The following NTAQ1 variants were observed in gnomAD, a reference collection of about 807,000 sequenced individuals.
NTAQ1 encodes the protein N-terminal glutamine amidase 1.
Under a neutral mutation model 28.2 loss-of-function variants are expected in NTAQ1, and 21 were observed. The observed-to-expected ratio is 0.74, with a 90% CI of 0.53 to 1.07. The LOEUF is 1.07. Ranked by LOEUF, NTAQ1 falls within the 50% of genes least tolerant of loss-of-function variation. NTAQ1 has a pLI of 0.00. For synonymous variants in NTAQ1, 105 were observed against 90.0 expected (o/e 1.17, Z -0.94); for missense variants, 264 against 256.6 (o/e 1.03, Z -0.20).
At chr8:123,471,426 G>A (rs905215068), downstream of NTAQ1, among the ~76,000 whole-genome samples, 23 of 152,274 alleles carry the variant, frequency 1.5e-4, no homozygotes, top group African/African-American at 5.1e-4. Context: ...GGATGGTTCC[G>A]TCTCTATAGA....
At chr8:123,421,478 A>T (rs1245537327) in intron 1 of NTAQ1, among the ~76,000 whole-genome samples, 1 of 148,666 alleles carries the variant, frequency 6.7e-6, no homozygotes, top group Non-Finnish European at 1.5e-5. Flanking sequence ...GCATTTCTTC[A>T]TATGCTTATT....
At position 123,416,927 on chromosome 8, in the gene NTAQ1, C is replaced by T; in HGVS notation, c.78C>T (p.Cys26=). The stretch of plus-strand genomic sequence containing the variant: ...GGGACGCCTGCGTCTACAGCAGCTG[C>T]TACTGGTGAGGGGGCGCGGGCGCAG... ...PPRDACVYSS[C]YCEENIWKLC... The change falls in exon 1 of 6, where the codon TGC becomes TGT. Residue 26 remains cysteine (C), a synonymous_variant. Coordinates refer to ENST00000287387, the MANE Select transcript of NTAQ1 (RefSeq NM_018024.3). 2 of 1,503,788 alleles carry T rather than the reference C, an allele frequency of 1.3e-6. No individual in the cohort carries two copies. Among genetic ancestry groups the T allele is most frequent in the Non-Finnish European group, 1.8e-6 (2 of 1,125,792 alleles). 93.2% of individuals were successfully genotyped at this position (1,503,788 alleles called of 1,614,324 possible). A position where few individuals can be genotyped will look rare whatever the true frequency, so the allele number is the denominator to read the frequency against.
downstream of NTAQ1, among the ~76,000 whole-genome samples, chr8:123,448,622 A>T (rs188601485): frequency 5.5e-4 from 84 of 152,294 alleles, no homozygotes; most frequent in African/African-American, 2.0e-3. Context: ...TCCGTCGAAA[A>T]AGAATAAGAA....
chr8:123,437,077 C>T (rs1450699213), intron 4 of NTAQ1, 133 bp from the exon 5 acceptor site: 1 of 1,183,182 alleles, frequency 8.5e-7, no homozygotes, highest in African/African-American at 1.5e-5. Context: ...AGTAAAGTTG[C>T]CTGTATTACT....
intron 1 of NTAQ1, among the ~76,000 whole-genome samples, chr8:123,423,487 G>T (rs918554670): frequency 1.3e-4 from 19 of 145,006 alleles, no homozygotes; most frequent in African/African-American, 4.7e-4. Context: ...CATTGCCTAG[G>T]CTGGTTTCAA....
chr8:123,456,530 A>G (rs1365655606), intron 6 of NTAQ1, among the ~76,000 whole-genome samples: 2 of 152,238 alleles, frequency 1.3e-5, no homozygotes, highest in Non-Finnish European at 2.9e-5. Context: ...GTTCTGAGCA[A>G]TATTAATCCT....
At chr8:123,456,887 A>G (rs1411402595) in intron 6 of NTAQ1, among the ~76,000 whole-genome samples, 1 of 152,202 alleles carries the variant, frequency 6.6e-6, no homozygotes, top group Non-Finnish European at 1.5e-5. Context: ...AATTTATCTT[A>G]CAGATATATA....
chr8:123,441,888 T>C lies in NTAQ1; in HGVS notation c.*473T>C, dbSNP rs1297417474. 6.4e-6 allele frequency: 1 copy of C among 156,378 alleles called. No individual in the cohort carries two copies. The highest frequency in any genetic ancestry group is 2.4e-5 in the African/African-American group (1 of 41,518). The allele number at this position is 156,378 out of a possible 1,614,324, so 9.7% of individuals were successfully genotyped here. On this transcript the variant is annotated 3_prime_UTR_variant, in exon 6 of 6. Coordinates refer to ENST00000287387, the MANE Select transcript of NTAQ1 (RefSeq NM_018024.3). ...TGTGCTGTTGTCTGGAAAGGGGTAA[T>C]ATTGTGAGCTGAATCAGCAATAAGT...
At chr8:123,430,806 A>G (rs551380595) in intron 3 of NTAQ1, among the ~76,000 whole-genome samples, 5 of 152,302 alleles carry the variant, frequency 3.3e-5, no homozygotes, top group Non-Finnish European at 7.3e-5. Context: ...TAGTTTTCTG[A>G]TTTAGTAAAT....
intron 1 of NTAQ1, among the ~76,000 whole-genome samples, chr8:123,421,678 T>C (rs1813701759): frequency 6.8e-6 from 1 of 146,978 alleles, no homozygotes; most frequent in Admixed American, 7.0e-5. Flanking sequence ...CCAGCTAAGT[T>C]TTGTATTTTT....
rs1025335928 is a variant in NTAQ1 at position 123,441,719 on chromosome 8, G to C, written c.*304G>C. On this transcript the variant is annotated 3_prime_UTR_variant, in exon 6 of 6. Coordinates refer to ENST00000287387, the MANE Select transcript of NTAQ1 (RefSeq NM_018024.3). ...GTTCAGATAGAGGTGTGGAGGTAGAGCCAGCCCCTCATGTCTGTTTTGGAT... is the reference window on the plus strand; with the variant it reads ...GTTCAGATAGAGGTGTGGAGGTAGACCCAGCCCCTCATGTCTGTTTTGGAT... 4 of 311,272 alleles carry C rather than the reference G, an allele frequency of 1.3e-5. No homozygotes were observed. The East Asian group carries it at 1.8e-4, about 14-fold the overall frequency. 19.3% of individuals were successfully genotyped at this position (311,272 alleles called of 1,614,324 possible).
chr8:123,416,736 G>A, upstream of NTAQ1: 3 of 742,910 alleles, frequency 4.0e-6, no homozygotes, highest in Non-Finnish European at 5.2e-6. Context: ...CTCTCCCCCC[G>A]GGCTCCGCCC....
At chr8:123,460,129 A>C (rs1478985941) in intron 6 of NTAQ1, among the ~76,000 whole-genome samples, 1 of 152,118 alleles carries the variant, frequency 6.6e-6, no homozygotes, top group Non-Finnish European at 1.5e-5. Context: ...TTCACAGCAG[A>C]TATCTCTTGA....
chr8:123,444,067 T>A (rs193285854), downstream of NTAQ1, among the ~76,000 whole-genome samples: 8 of 152,032 alleles, frequency 5.3e-5, no homozygotes, highest in Admixed American at 4.6e-4. Context: ...TTTTTTTTTT[T>A]GAACCCAAAC....
rs565391342 is a variant in NTAQ1 at position 123,465,834 on chromosome 8, C to T, written c.373-1245C>T. ...CAGGGCTCAAGCGATCCACCCACCT[C>T]GGCCTCCCAAAGTGTTGGGATTACA... is the stretch of plus-strand genomic sequence containing the variant. On this transcript the variant is annotated intron_variant, in intron 6 of 6. Coordinates refer to the NTAQ1 transcript ENST00000650311. 7.2e-5 allele frequency among the ~76,000 whole-genome samples: 11 copies of T among 152,160 alleles called. No homozygotes were observed. The South Asian group carries it at 1.5e-3, about 20-fold the overall frequency.
At chr8:123,431,587 T>C (rs1256616369) in intron 3 of NTAQ1, among the ~76,000 whole-genome samples, 1 of 152,200 alleles carries the variant, frequency 6.6e-6, no homozygotes, top group Non-Finnish European at 1.5e-5. Context: ...TGCCAGCAGG[T>C]GATCTTGCAT....
chr8:123,437,441 A>G (rs1459123460), intron 5 of NTAQ1, 107 bp downstream of exon 5: 47 of 1,485,640 alleles, frequency 3.2e-5, no homozygotes, highest in African/African-American at 4.2e-5. Flanking sequence ...ATAAAACTCC[A>G]TGAGTGAATC....
intron 4 of NTAQ1, 72 bp from the exon 5 acceptor site, chr8:123,437,138 C>A: frequency 1.9e-6 from 3 of 1,577,168 alleles, no homozygotes; most frequent in Admixed American, 3.5e-5. Context: ...GGAAATGAGT[C>A]GATATAAAAA....
intron 1 of NTAQ1, among the ~76,000 whole-genome samples, chr8:123,418,980 G>A (rs2130117010): frequency 6.6e-6 from 1 of 152,200 alleles, no homozygotes; most frequent in South Asian, 2.1e-4. Context: ...TCCTGTAGGG[G>A]TTGGGGGGCA....
Sources: allele counts gnomAD v4.1 joint callset (sites outside exome capture counted in the v4.1 genomes callset), GRCh38; gene constraint gnomAD v4.1.1; transcripts MANE v1.5; gene names NCBI Gene and HGNC (gene_info 2026-07-23, HGNC 2026-07-21).